Variants in CACNB1 observed in about 807,000 individuals in gnomAD.
CACNB1 encodes calcium voltage-gated channel auxiliary subunit beta 1.
A neutral mutation model predicts 71.6 loss-of-function variants in CACNB1; 29 were observed. That is an observed-to-expected ratio of 0.40 (90% CI 0.30 to 0.55). The LOEUF (loss-of-function observed/expected upper bound fraction) is 0.55, where lower values mean the gene tolerates loss of function less well. CACNB1 is among the 20% of genes least tolerant of loss of function. The pLI is 0.38. For missense variants in CACNB1, 623 were observed against 801.8 expected, an observed-to-expected ratio of 0.78 and a Z score of 2.69; for synonymous variants, 300 against 319.6, an observed-to-expected ratio of 0.94 and a Z score of 0.65.
At chr17:39,183,679 G>A (rs200053887) in intron 11 of CACNB1, 34 bp downstream of exon 11, 28 of 1,521,754 alleles carry the variant, frequency 1.8e-5, no homozygotes, top group Admixed American at 4.2e-5. Context: ...TTCAAACCAC[G>A]CTGTCCTGGC....
chr17:39,175,434 C>A lies in CACNB1; in HGVS notation c.1556G>T (p.Cys519Phe). 2 of 1,614,252 alleles carry A rather than the reference C, an allele frequency of 1.2e-6. No homozygotes were observed. The highest frequency in any genetic ancestry group is 1.7e-6 in the Non-Finnish European group (2 of 1,180,050). Reference sequence around the variant, plus strand: ...TGAGGGGTCAGTCTCCATGTCCACACATGAGTCTCCCAGCTCCGTGTAGGC... The same window carrying A: ...TGAGGGGTCAGTCTCCATGTCCACAAATGAGTCTCCCAGCTCCGTGTAGGC... ...NSAYTELGDSCVDMETDPSEG... is the reference protein window; with the variant it reads ...NSAYTELGDSFVDMETDPSEG... Residue 519 changes from cysteine to phenylalanine, a missense_variant, in exon 14 of 14, where the codon TGT becomes TTT. Cys to Phe is a radical substitution (Grantham distance 205). Transcript: ENST00000394303. This position sits in a 1 kb window ranked among gnomAD's most constrained non-coding sequence, Gnocchi z 4.7.
intron 11 of CACNB1, among the ~76,000 whole-genome samples, chr17:39,181,401 A>G (rs1268023183): frequency 6.6e-6 from 1 of 151,984 alleles, no homozygotes; most frequent in Non-Finnish European, 1.5e-5. Context: ...GCCCAATACC[A>G]AGCATTTTTC....
At chr17:39,192,334 A>C (rs551931110) in intron 2 of CACNB1, 1 of 152,584 alleles carries the variant, frequency 6.6e-6, no homozygotes, top group East Asian at 1.9e-4. Context: ...CACAATGACC[A>C]ACCCAGAGCA....
chr17:39,177,613 A>G, intron 12 of CACNB1, 78 bp from the exon 13 acceptor site: 1 of 1,144,556 alleles, frequency 8.7e-7, no homozygotes, highest in Non-Finnish European at 1.2e-6. Context: ...GCCTGGGTGC[A>G]GTGGGTAGAG....
In CACNB1 at chr17:39,197,611, C is replaced by T. The variant is rs928456478; in HGVS notation, c.-116G>A. The T allele has an allele frequency of 2.3e-5, 17 of 741,804 alleles. No individual in the cohort carries two copies. Among genetic ancestry groups the T allele is most frequent in the Non-Finnish European group, 3.0e-5 (14 of 469,808 alleles). 46.0% of individuals were successfully genotyped at this position (741,804 alleles called of 1,614,324 possible). A position where few individuals can be genotyped will look rare whatever the true frequency, so the allele number is the denominator to read the frequency against. On this transcript the variant is annotated 5_prime_UTR_variant, in exon 1 of 14. Transcript: ENST00000394303. ...GCAGCCAGCACCCGGTCCAGCCACC[C>T]AGCTCGGCCTTCGGCTGCCTCCTTC... is the stretch of plus-strand genomic sequence containing the variant.
At chr17:39,179,888 G>A (rs921013029) in intron 11 of CACNB1, among the ~76,000 whole-genome samples, 5 of 148,286 alleles carry the variant, frequency 3.4e-5, no homozygotes, top group African/African-American at 5.0e-5. Context: ...CAGCCTGGGC[G>A]ACAGAACAAG....
At chr17:39,189,318 G>A (rs550458616) in intron 3 of CACNB1, among the ~76,000 whole-genome samples, 90 of 151,806 alleles carry the variant, frequency 5.9e-4, no homozygotes, top group Non-Finnish European at 9.7e-4. Context: ...AGCCAAGATC[G>A]TGCCATTGCA....
intron 10 of CACNB1, 38 bp from the exon 11 acceptor site, chr17:39,183,902 G>A (rs2045857106): frequency 2.5e-6 from 4 of 1,602,100 alleles, no homozygotes; most frequent in Non-Finnish European, 3.4e-6. Flanking sequence ...GGAATGTCAG[G>A]TGGCCTCCCA....
At position 39,184,025 on chromosome 17, in the gene CACNB1, G is replaced by C. The variant is rs778680819; in HGVS notation, c.898+6C>G. The C allele has an allele frequency of 6.2e-7, 1 of 1,603,174 alleles. No homozygotes were observed. The highest frequency in any genetic ancestry group is 8.5e-7 in the Non-Finnish European group (1 of 1,170,300). ...GGGGGAGTGAAGACAGCAGGAGTAG[G>C]CTCACCCAGGCTGGAGCGTGTGTTG... is the stretch of plus-strand genomic sequence containing the variant. On this transcript the variant is annotated splice_donor_region_variant and intron_variant, in intron 10 of 13. Coordinates refer to ENST00000394303, the MANE Select transcript of CACNB1 (RefSeq NM_000723.5).
At chr17:39,187,885 T>C (rs1324019362) in intron 3 of CACNB1, among the ~76,000 whole-genome samples, 2 of 151,686 alleles carry the variant, frequency 1.3e-5, no homozygotes, top group Admixed American at 1.3e-4. Flanking sequence ...TGGTGGTGGG[T>C]GCCTATAATC....
chr17:39,193,097 C>T lies in CACNB1; in HGVS notation c.172-1504G>A, dbSNP rs939497316. The T allele has an allele frequency of 1.5e-5, 3 of 197,812 alleles. No homozygotes were observed. The Admixed American group carries it at 1.8e-4, about 12-fold the overall frequency. The allele number at this position is 197,812 out of a possible 1,614,324, so 12.3% of individuals were successfully genotyped here. ...TCACCAACCCCAACACAAATGCAGG[C>T]ATACGCGCGCACACACTCACTGACC... On this transcript the variant is annotated intron_variant, in intron 2 of 13. Transcript: ENST00000394303.
Position 39,182,785 on chromosome 17 carries a change from A to T in CACNB1, c.1050+928T>A, listed in dbSNP as rs1006400917. 1.9e-5 allele frequency: 3 copies of T among 158,676 alleles called. No homozygotes were observed. In the Admixed American group the frequency reaches 2.0e-4, roughly 10 times the overall value. The allele number at this position is 158,676 out of a possible 1,614,324, so 9.8% of individuals were successfully genotyped here. ...CTGGGCTCCTTACAGCAATCCTCTC[A>T]ACAATAACACGAGAGGGATTACAAC... On this transcript the variant is annotated intron_variant, in intron 11 of 13. Transcript: ENST00000394303.
Position 39,177,407 on chromosome 17 carries a change from G to A in CACNB1, c.1275C>T (p.Asn425=). Reference sequence around the variant, plus strand: ...CCAGGGCTGCGGTAGCCATGGTGCGGTTCAGCAGCGGATTGGGTGGCGTGC... The same window carrying A: ...CCAGGGCTGCGGTAGCCATGGTGCGATTCAGCAGCGGATTGGGTGGCGTGC... ...PSSTPPNPLL[N]RTMATAALAA... The change falls in exon 13 of 14, where the codon AAC becomes AAT. Residue 425 remains asparagine, a synonymous_variant. Transcript: ENST00000394303. 1 of 1,613,662 alleles carries A rather than the reference G, an allele frequency of 6.2e-7. No homozygotes were observed. The highest frequency in any genetic ancestry group is 8.5e-7 in the Non-Finnish European group (1 of 1,179,890).
At chr17:39,196,287 C>T (rs1004983651) in intron 1 of CACNB1, among the ~76,000 whole-genome samples, 1 of 152,100 alleles carries the variant, frequency 6.6e-6, no homozygotes, top group East Asian at 1.9e-4. Context: ...AGTTGTGATG[C>T]TCCCTACAAA....
chr17:39,184,188 T>C lies in CACNB1; in HGVS notation c.789-48A>G, dbSNP rs369335412. 1.4e-5 allele frequency: 19 copies of C among 1,363,538 alleles called. No homozygotes were observed. In the East Asian group the frequency reaches 3.0e-4, roughly 21 times the overall value. The allele number at this position is 1,363,538 out of a possible 1,614,324, so 84.5% of individuals were successfully genotyped here. ...AGTCAGGGGTCAGGGTGGGCTGGAA[T>C]GCCCTGCCCACTCCCCAGTTCCAGG... On this transcript the variant is annotated intron_variant, in intron 9 of 13. Coordinates refer to ENST00000394303, the MANE Select transcript of CACNB1 (RefSeq NM_000723.5).
chr17:39,177,927 A>G lies in CACNB1; in HGVS notation c.1146+57T>C, dbSNP rs574359725. 66 of 1,391,568 alleles carry G rather than the reference A, an allele frequency of 4.7e-5. 1 individual carries two copies. Among genetic ancestry groups the G allele is most frequent in the Non-Finnish European group, 6.5e-5 (64 of 977,352 alleles). The allele number at this position is 1,391,568 out of a possible 1,614,324, so 86.2% of individuals were successfully genotyped here. ...CTGTCTCTCATGTAGGCCAGAGGAA[A>G]CCAGGACAACCCAAATGTTCTCCCT... On this transcript the variant is annotated intron_variant, in intron 12 of 13. Coordinates refer to ENST00000394303, the MANE Select transcript of CACNB1 (RefSeq NM_000723.5).
At chr17:39,177,826 TTGAC>T (rs2045626389) in intron 12 of CACNB1, among the ~76,000 whole-genome samples, 154 bp downstream of exon 12, 1 of 152,218 alleles carries the variant, frequency 6.6e-6, no homozygotes, top group Non-Finnish European at 1.5e-5. Flanking sequence ...AACCCAGTCT[TTGAC>T]TGACGGGACC....
rs9916335 is a variant in CACNB1, at chr17:39,182,981, C to T, written c.1050+732G>A. The T allele has an allele frequency of 7.6e-3, 7,448 of 983,310 alleles. 443 individuals are homozygous for T. In the African/African-American group the frequency reaches 0.12, roughly 16 times the overall value. 60.9% of individuals were successfully genotyped at this position (983,310 alleles called of 1,614,324 possible). A position where few individuals can be genotyped will look rare whatever the true frequency, so the allele number is the denominator to read the frequency against. ...CTTCAAATCCTCCACCTCAACTCTT[C>T]CTCCGTGTTTCTCAGATCCCCACTG... is the stretch of plus-strand genomic sequence containing the variant. On this transcript the variant is annotated intron_variant, in intron 11 of 13. Transcript: ENST00000394303.
intron 11 of CACNB1, among the ~76,000 whole-genome samples, chr17:39,180,336 G>A (rs906773497): frequency 4.6e-5 from 7 of 151,682 alleles, no homozygotes; most frequent in East Asian, 1.9e-4. Context: ...TCATGGTTGT[G>A]TAAGATAATG....
Sources: allele counts gnomAD v4.1 joint callset (sites outside exome capture counted in the v4.1 genomes callset), GRCh38; gene constraint gnomAD v4.1.1; non-coding constraint Gnocchi (gnomAD v3.1); transcripts MANE v1.5; gene names NCBI Gene and HGNC (gene_info 2026-07-23, HGNC 2026-07-21).